Variants in EDIL3 observed in about 807,000 individuals in gnomAD.
The protein encoded by EDIL3 is EGF-like repeat and discoidin I-like domain-containing protein 3.
EDIL3 carries 37 observed loss-of-function variants against 67.4 expected under a neutral mutation model. The ratio of observed to expected loss-of-function variants is 0.55; its 90% CI spans 0.42 to 0.72. EDIL3 has a LOEUF of 0.72. Ranked by LOEUF, EDIL3 falls within the 30% of genes least tolerant of loss-of-function variation. EDIL3 has a pLI of 0.00. For synonymous variants in EDIL3, 195 were observed against 196.3 expected (o/e 0.99, Z 0.05); for missense variants, 527 against 586.3 (o/e 0.90, Z 1.04).
chr5:84,206,405 G>C (rs1407794363), intron 3 of EDIL3, among the ~76,000 whole-genome samples: 5 of 152,096 alleles, frequency 3.3e-5, no homozygotes, highest in Non-Finnish European at 2.9e-5. Flanking sequence ...TTGGGGTGGA[G>C]AGTTCTGTAG....
chr5:84,148,468 A>AT (rs1748326480), intron 4 of EDIL3, among the ~76,000 whole-genome samples: 2 of 152,174 alleles, frequency 1.3e-5, no homozygotes, highest in South Asian at 4.1e-4. Context: ...GACATTTACT[A>AT]TTTTTTAAAC....
rs537095800 is a variant in EDIL3 at position 83,949,826 on chromosome 5, T to G, written c.1294-6258A>C. Among the ~76,000 whole-genome samples, 11 of 151,738 alleles carry G rather than the reference T, an allele frequency of 7.2e-5. No individual in the cohort carries two copies. In the South Asian group the frequency reaches 1.7e-3, roughly 23 times the overall value. On this transcript the variant is annotated intron_variant, in intron 10 of 10. Coordinates refer to ENST00000296591, the MANE Select transcript of EDIL3 (RefSeq NM_005711.5). ...TTCACCCTCAGCAACTTGAAGGTAATCTCTAAGCCCTTGGAATGGCCTGTC... is the reference window on the plus strand; with the variant it reads ...TTCACCCTCAGCAACTTGAAGGTAAGCTCTAAGCCCTTGGAATGGCCTGTC...
intron 9 of EDIL3, among the ~76,000 whole-genome samples, chr5:84,052,761 A>T (rs576855435): frequency 6.6e-6 from 1 of 152,262 alleles, no homozygotes; most frequent in East Asian, 1.9e-4. Flanking sequence ...AGAGCTAACT[A>T]TTCTAAATAT....
Position 83,963,309 on chromosome 5 carries a change from T to G in EDIL3, c.1189A>C (p.Lys397Gln). 1 of 1,610,330 alleles carries G rather than the reference T, an allele frequency of 6.2e-7. No individual in the cohort carries two copies. The highest frequency in any genetic ancestry group is 8.5e-7 in the Non-Finnish European group (1 of 1,177,758). ...ACAAACTGTACATGACCAAAATCTT[T>G]AGCTCCTTGTGTAATGATGCCAGTC... Reference protein sequence around the residue: ...KVTGIITQGAKDFGHVQFVGS... With the variant: ...KVTGIITQGAQDFGHVQFVGS... The change falls in exon 10 of 11, where the codon AAA becomes CAA. Residue 397 changes from lysine to glutamine, a missense_variant. Physicochemically the swap from Lys to Gln is moderately conservative, Grantham distance 53. This residue lies in a region of EDIL3 where 494 missense variants were observed against 522.5 expected (regional missense o/e 0.95). Coordinates refer to ENST00000296591, the MANE Select transcript of EDIL3 (RefSeq NM_005711.5).
chr5:83,948,757 A>G (rs976802481), intron 10 of EDIL3, among the ~76,000 whole-genome samples: 1 of 151,844 alleles, frequency 6.6e-6, no homozygotes, highest in East Asian at 1.9e-4. Flanking sequence ...GTCTGAAACC[A>G]AAGTTTAATT....
At chr5:84,362,075 C>T (rs909140768) in intron 1 of EDIL3, among the ~76,000 whole-genome samples, 4 of 151,960 alleles carry the variant, frequency 2.6e-5, no homozygotes, top group Non-Finnish European at 4.4e-5. Context: ...CCCAAAAGAG[C>T]AGTAATGCCA....
intron 9 of EDIL3, among the ~76,000 whole-genome samples, chr5:83,991,275 A>T (rs1231631789): frequency 2.6e-5 from 4 of 152,134 alleles, no homozygotes; most frequent in Non-Finnish European, 5.9e-5. Flanking sequence ...TTTTCCAACA[A>T]CATAAATAGT....
chr5:84,226,766 C>T (rs573165921), intron 3 of EDIL3, among the ~76,000 whole-genome samples: 1 of 151,838 alleles, frequency 6.6e-6, no homozygotes, highest in South Asian at 2.1e-4. Context: ...GCTAAAATCA[C>T]AACAAAAACA....
At chr5:84,222,628 T>C (rs777103045) in intron 3 of EDIL3, among the ~76,000 whole-genome samples, 4 of 151,920 alleles carry the variant, frequency 2.6e-5, no homozygotes, top group Non-Finnish European at 5.9e-5. Context: ...GTATGGCTTT[T>C]GTATTTTGAT....
intron 1 of EDIL3, among the ~76,000 whole-genome samples, chr5:84,321,147 GC>G (rs1561256378): frequency 6.6e-6 from 1 of 152,042 alleles, no homozygotes; most frequent in African/African-American, 2.4e-5. Flanking sequence ...ATTCCTTTGT[GC>G]AGAATTTCCT....
chr5:84,196,313 T>C (rs1323871020), intron 3 of EDIL3, among the ~76,000 whole-genome samples: 1 of 152,004 alleles, frequency 6.6e-6, no homozygotes, highest in East Asian at 1.9e-4. Context: ...CCTGAGATGC[T>C]CTTCCTCTAA....
chr5:84,332,245 G>A (rs1746887430), intron 1 of EDIL3, among the ~76,000 whole-genome samples: 1 of 152,148 alleles, frequency 6.6e-6, no homozygotes, highest in African/African-American at 2.4e-5. Context: ...GGTGGCACAT[G>A]CTTGTAGTCA....
chr5:84,382,538 G>C (rs919978099), intron 1 of EDIL3, among the ~76,000 whole-genome samples: 1 of 152,190 alleles, frequency 6.6e-6, no homozygotes, highest in Non-Finnish European at 1.5e-5. Context: ...CGAGTGAGTG[G>C]GTGAGTGTGT....
intron 1 of EDIL3, among the ~76,000 whole-genome samples, chr5:84,303,523 T>C (rs1561250963): frequency 6.6e-6 from 1 of 152,204 alleles, no homozygotes; most frequent in Non-Finnish European, 1.5e-5. Context: ...GGATTAGTCA[T>C]TTACATGGAT....
At chr5:83,952,575 T>C (rs1409948235) in intron 10 of EDIL3, among the ~76,000 whole-genome samples, 1 of 151,812 alleles carries the variant, frequency 6.6e-6, no homozygotes, top group Admixed American at 6.6e-5. Context: ...ATCTACTTTT[T>C]TCTTTTTAGT....
intron 9 of EDIL3, 132 bp downstream of exon 9, chr5:84,060,168 A>G (rs942773491): frequency 1.8e-6 from 2 of 1,111,038 alleles, no homozygotes; most frequent in African/African-American, 3.2e-5. Context: ...TGTTTTACCA[A>G]TTTAGTTAAA....
chr5:84,347,849 A>AT (rs557056235), intron 1 of EDIL3, among the ~76,000 whole-genome samples: 3 of 152,010 alleles, frequency 2.0e-5, no homozygotes, highest in East Asian at 1.9e-4. Context: ...ACACATTCAT[A>AT]TTTTTTTTGC....
chr5:84,231,256 G>A (rs1744571360), intron 2 of EDIL3, among the ~76,000 whole-genome samples: 1 of 152,176 alleles, frequency 6.6e-6, no homozygotes, highest in Admixed American at 6.5e-5. Context: ...ATGGAGCACA[G>A]CAATTACAAG....
chr5:84,070,539 A>G (rs915966657), intron 6 of EDIL3, among the ~76,000 whole-genome samples: 1 of 151,962 alleles, frequency 6.6e-6, no homozygotes, highest in Non-Finnish European at 1.5e-5. Context: ...CAAGCATATA[A>G]AGATAATTTT....
Sources: allele counts gnomAD v4.1 joint callset (sites outside exome capture counted in the v4.1 genomes callset), GRCh38; gene constraint gnomAD v4.1.1; regional missense constraint gnomAD v4.1.1; transcripts MANE v1.5; gene names NCBI Gene and HGNC (gene_info 2026-07-23, HGNC 2026-07-21).